RARB: variants seen among roughly 807,000 people sequenced by gnomAD.
The protein encoded by RARB is HBV-activated protein.
RARB carries 17 observed loss-of-function variants against 51.9 expected under a neutral mutation model. The observed-to-expected ratio is 0.33, with a 90% CI of 0.22 to 0.49. The LOEUF is 0.49. Ranked by LOEUF, RARB falls within the 20% of genes least tolerant of loss-of-function variation. The probability of loss-of-function intolerance (pLI) is 0.99; values close to 1 mark genes in which losing one functional copy is unlikely to be tolerated. For synonymous variants in RARB, 215 were observed against 195.4 expected (o/e 1.10, Z -0.84); for missense variants, 369 against 550.8 (o/e 0.67, Z 3.30).
intron 2 of RARB, among the ~76,000 whole-genome samples, chr3:25,007,016 G>A (rs1369931872): frequency 2.6e-5 from 4 of 152,120 alleles, no homozygotes; most frequent in East Asian, 1.9e-4. Flanking sequence ...ATGCTCTTTT[G>A]AATAAGAATG....
chr3:24,954,372 C>T (rs891967722), intron 2 of RARB, among the ~76,000 whole-genome samples: 1 of 152,154 alleles, frequency 6.6e-6, no homozygotes, highest in African/African-American at 2.4e-5. Context: ...ACTTCCTCTG[C>T]AGTGCAAGCT....
At chr3:25,206,364 T>C (rs1190317079) in intron 5 of RARB, among the ~76,000 whole-genome samples, 1 of 152,228 alleles carries the variant, frequency 6.6e-6, no homozygotes, top group Non-Finnish European at 1.5e-5. Context: ...TTTTTACACC[T>C]AAATTACTCA....
At chr3:25,120,682 A>C (rs564228293) in intron 3 of RARB, among the ~76,000 whole-genome samples, 1 of 152,208 alleles carries the variant, frequency 6.6e-6, no homozygotes, top group African/African-American at 2.4e-5. Flanking sequence ...GATCTTAATG[A>C]TATCCAGAAT....
intron 5 of RARB, among the ~76,000 whole-genome samples, chr3:25,281,882 G>A (rs1444682708): frequency 1.3e-5 from 2 of 152,168 alleles, no homozygotes; most frequent in African/African-American, 4.8e-5. Flanking sequence ...TTTGGAAGGG[G>A]CAGTAGTTTG....
intron 5 of RARB, among the ~76,000 whole-genome samples, chr3:25,408,317 G>A (rs1260507819): frequency 2.0e-5 from 3 of 152,064 alleles, no homozygotes; most frequent in African/African-American, 7.3e-5. Flanking sequence ...GGCGGGAGTA[G>A]CCTCAGGAAA....
At chr3:25,369,695 G>A (rs1223146104) in intron 5 of RARB, among the ~76,000 whole-genome samples, 1 of 152,208 alleles carries the variant, frequency 6.6e-6, no homozygotes, top group Non-Finnish European at 1.5e-5. Context: ...GACCGAGGCA[G>A]GCGGATCACC....
chr3:25,255,535 A>T (rs1702843612), intron 5 of RARB, among the ~76,000 whole-genome samples: 1 of 152,194 alleles, frequency 6.6e-6, no homozygotes, highest in Non-Finnish European at 1.5e-5. Flanking sequence ...ATCTTTAATC[A>T]TTATGCACAC....
intron 5 of RARB, among the ~76,000 whole-genome samples, chr3:25,415,941 A>G (rs1028849705): frequency 1.3e-5 from 2 of 152,250 alleles, no homozygotes; most frequent in African/African-American, 4.8e-5. Flanking sequence ...AAAAGTAGAT[A>G]CATGCCAGGT....
intron 2 of RARB, among the ~76,000 whole-genome samples, chr3:25,030,117 A>G (rs1350668420): frequency 1.3e-5 from 2 of 152,198 alleles, no homozygotes; most frequent in African/African-American, 4.8e-5. Flanking sequence ...TTGTATTGCT[A>G]GTCAATACCT....
At chr3:25,286,455 T>A (rs1298760950) in intron 5 of RARB, among the ~76,000 whole-genome samples, 1 of 152,182 alleles carries the variant, frequency 6.6e-6, no homozygotes, top group East Asian at 1.9e-4. Flanking sequence ...CTATAATCCC[T>A]CTAGCCTACT....
At chr3:25,238,432 C>T (rs1345347082) in intron 5 of RARB, among the ~76,000 whole-genome samples, 3 of 152,082 alleles carry the variant, frequency 2.0e-5, no homozygotes, top group East Asian at 1.9e-4. Context: ...AAAATGATTC[C>T]ATATCTTTGA....
chr3:25,113,710 T>C (rs989685206), intron 3 of RARB, among the ~76,000 whole-genome samples: 2 of 152,180 alleles, frequency 1.3e-5, no homozygotes, highest in East Asian at 3.9e-4. Context: ...TGCTGGGATA[T>C]AGACAACTGG....
chr3:25,236,624 T>C (rs1426070452), intron 5 of RARB, among the ~76,000 whole-genome samples: 1 of 152,094 alleles, frequency 6.6e-6, no homozygotes, highest in East Asian at 1.9e-4. Flanking sequence ...CTTTAATGCA[T>C]ATAAAAGCGC....
chr3:25,141,475 A>T (rs1359797803), intron 4 of RARB, among the ~76,000 whole-genome samples: 1 of 152,172 alleles, frequency 6.6e-6, no homozygotes, highest in Non-Finnish European at 1.5e-5. Context: ...CCAATTTCAG[A>T]GGGTCTTAGG....
chr3:24,886,628 G>C (rs2125360692), intron 2 of RARB, among the ~76,000 whole-genome samples: 1 of 151,976 alleles, frequency 6.6e-6, no homozygotes, highest in African/African-American at 2.4e-5. Flanking sequence ...TTTTTGTAGA[G>C]ACAAGGTCTC....
At chr3:24,836,087 T>C (rs1444462223) in intron 1 of RARB, among the ~76,000 whole-genome samples, 1 of 152,180 alleles carries the variant, frequency 6.6e-6, no homozygotes, top group African/African-American at 2.4e-5. Flanking sequence ...TAGGTAAGCA[T>C]GGTATAGTTT....
At chr3:24,842,238 T>C (rs1702428835) in intron 1 of RARB, among the ~76,000 whole-genome samples, 1 of 152,216 alleles carries the variant, frequency 6.6e-6, no homozygotes, top group Admixed American at 6.5e-5. Flanking sequence ...TCTTTAGATA[T>C]AAAACATATA....
Position 25,597,718 on chromosome 3 carries a change from A to AGAG in RARB, c.*1103_*1105dup, listed in dbSNP as rs958971494. 6.5e-6 allele frequency: 1 copy of AGAG among 152,748 alleles called. No individual in the cohort carries two copies. The allele number at this position is 152,748 out of a possible 1,614,324, so 9.5% of individuals were successfully genotyped here. A position where few individuals can be genotyped will look rare whatever the true frequency, so the allele number is the denominator to read the frequency against. On this transcript the variant is annotated 3_prime_UTR_variant, in exon 8 of 8. Coordinates refer to ENST00000330688, the MANE Select transcript of RARB (RefSeq NM_000965.5). The stretch of plus-strand genomic sequence containing the variant: ...TATGAAGCAGAGTGAAAGCTGTGGT[A>AGAG]GAGTGGTTAACAGATACAAGTGTCA...
At chr3:25,581,257 C>A (rs186588526) in intron 5 of RARB, among the ~76,000 whole-genome samples, 32 of 152,254 alleles carry the variant, frequency 2.1e-4, no homozygotes, top group Admixed American at 5.2e-4. Context: ...CTATGAGAGA[C>A]CTAATAAAAA....
Sources: gnomAD v4.1 joint callset for allele counts (sites outside exome capture counted in the v4.1 genomes callset) on GRCh38, gnomAD v4.1.1 for gene constraint, MANE v1.5 for transcripts, NCBI Gene and HGNC (gene_info 2026-07-23, HGNC 2026-07-21) for gene names.